ZNF727: variants seen among roughly 807,000 people sequenced by gnomAD.
ZNF727 encodes putative zinc finger protein 727.
ZNF727 carries 11 observed loss-of-function variants against 11.5 expected under a neutral mutation model. The ratio of observed to expected loss-of-function variants is 0.95; its 90% CI spans 0.60 to 1.58. The LOEUF (loss-of-function observed/expected upper bound fraction) is 1.58, where lower values mean the gene tolerates loss of function less well. Among genes scored for constraint, ZNF727 ranks in the 40% most tolerant of loss-of-function variants. The pLI is 0.00. For synonymous variants in ZNF727, 171 were observed against 196.1 expected (o/e 0.87, Z 1.07); for missense variants, 533 against 581.7 (o/e 0.92, Z 0.86).
At chr7:64,059,218 C>T (rs1157686357) in intron 1 of ZNF727, among the ~76,000 whole-genome samples, 1 of 152,118 alleles carries the variant, frequency 6.6e-6, no homozygotes, top group African/African-American at 2.4e-5. Context: ...GCTGGGATTA[C>T]AGGCATGAGC....
At position 64,077,216 on chromosome 7, in the gene ZNF727, A is replaced by T. The variant is rs1785679792; in HGVS notation, c.227-60A>T. The T allele has an allele frequency of 2.9e-6, 4 of 1,398,690 alleles. No individual in the cohort carries two copies. In the Admixed American group the frequency reaches 1.1e-4, roughly 40 times the overall value. The allele number at this position is 1,398,690 out of a possible 1,614,324, so 86.6% of individuals were successfully genotyped here. A position where few individuals can be genotyped will look rare whatever the true frequency, so the allele number is the denominator to read the frequency against. ...GTGCTTTGTATAATTATATATTTGT[A>T]AAGTGTATTCACCTAAGTCTGATGA... On this transcript the variant is annotated intron_variant, in intron 3 of 3. Transcript: ENST00000456806.
At chr7:64,077,027 T>G (rs1194835334) in intron 3 of ZNF727, among the ~76,000 whole-genome samples, 2 of 152,210 alleles carry the variant, frequency 1.3e-5, no homozygotes, top group African/African-American at 4.8e-5. Flanking sequence ...ATACTTTTAT[T>G]ACACTTCTAT....
At chr7:64,049,604 T>A (rs1182742261) in intron 1 of ZNF727, among the ~76,000 whole-genome samples, 1 of 151,846 alleles carries the variant, frequency 6.6e-6, no homozygotes, top group Non-Finnish European at 1.5e-5. Flanking sequence ...GAAATATATA[T>A]TTTATAATTT....
chr7:64,060,364 T>TA (rs1789750909), intron 1 of ZNF727, among the ~76,000 whole-genome samples: 1 of 152,222 alleles, frequency 6.6e-6, no homozygotes, highest in Admixed American at 6.5e-5. Flanking sequence ...AACACAGAGA[T>TA]ACGCACAAGG....
chr7:64,077,597 G>A lies in ZNF727; in HGVS notation c.548G>A (p.Arg183Lys). The part of the protein sequence containing the change: ...YKCEECGKDC[R>K]LSDFTIQKRI... ...TGTGAAGAATGTGGCAAAGACTGTA[G>A]GTTGTCAGATTTTACCATACAGAAG... Residue 183 changes from arginine to lysine, a missense_variant, in exon 4 of 4, where the codon AGG becomes AAG. By Grantham distance (26) the Arg-to-Lys change is conservative. This residue lies in a region of ZNF727 where 463 missense variants were observed against 494.5 expected (regional missense o/e 0.94). Transcript: ENST00000456806. The A allele has an allele frequency of 6.4e-7, 1 of 1,551,304 alleles. No homozygotes were observed.
At chr7:64,070,366 C>T (rs1305777934) in intron 3 of ZNF727, among the ~76,000 whole-genome samples, 1 of 151,898 alleles carries the variant, frequency 6.6e-6, no homozygotes, top group Non-Finnish European at 1.5e-5. Context: ...AACTCCCAAT[C>T]TTTATTTTAA....
At chr7:64,076,586 T>A (rs1284844226) in intron 3 of ZNF727, among the ~76,000 whole-genome samples, 4 of 152,040 alleles carry the variant, frequency 2.6e-5, no homozygotes, top group Non-Finnish European at 5.9e-5. Flanking sequence ...AGAGAGAGAA[T>A]TTGTCTCAAA....
At position 64,081,347 on chromosome 7, in the gene ZNF727, G is replaced by A. The variant is rs746932656; in HGVS notation, c.*2798G>A. ...AGTTTTACCACAAAGGCCAGGGTGG[G>A]GCTTTCTGGCTCTCTACCCGCCAAA... On this transcript the variant is annotated 3_prime_UTR_variant, in exon 4 of 4. Transcript: ENST00000456806. 1.2e-4 allele frequency among the ~76,000 whole-genome samples: 18 copies of A among 152,048 alleles called. No homozygotes were observed. Among genetic ancestry groups the A allele is most frequent in the Non-Finnish European group, 1.9e-4 (13 of 68,014 alleles).
At chr7:64,046,520 A>T (rs1268594246) in intron 1 of ZNF727, among the ~76,000 whole-genome samples, 4 of 152,086 alleles carry the variant, frequency 2.6e-5, no homozygotes, top group Non-Finnish European at 5.9e-5. Context: ...AGTTCCCTGA[A>T]GTTCTTATTT....
At position 64,084,751 on chromosome 7, in the gene ZNF727, A is replaced by G. The variant is rs1006754922; in HGVS notation, c.*6202A>G. ...CAGACCTTTAGTTTTGATTTACATC[A>G]ATTTAAATATACAAATGTATCACTG... On this transcript the variant is annotated 3_prime_UTR_variant, in exon 4 of 4. Transcript: ENST00000456806. Among the ~76,000 whole-genome samples the G allele has an allele frequency of 5.9e-5, 9 of 152,160 alleles. No homozygotes were observed. The highest frequency in any genetic ancestry group is 5.2e-4 in the Admixed American group (8 of 15,280).
chr7:64,074,901 A>C (rs1264838081), intron 3 of ZNF727, among the ~76,000 whole-genome samples: 6 of 152,052 alleles, frequency 3.9e-5, no homozygotes, highest in Non-Finnish European at 7.4e-5. Context: ...ATTATTTTTA[A>C]ATTTTATCTT....
intron 1 of ZNF727, among the ~76,000 whole-genome samples, chr7:64,058,800 G>A (rs1789725377): frequency 6.6e-6 from 1 of 152,154 alleles, no homozygotes; most frequent in Non-Finnish European, 1.5e-5. Flanking sequence ...TGTAACCTTT[G>A]TTTTTCTGTT....
rs896311800 is a variant in ZNF727 at position 64,078,963 on chromosome 7, G to C, written c.*414G>C. ...ATCTCGGCCCTTAGAAAACATAAGA[G>C]AATTCATACTGGAGAGACACCCTAC... On this transcript the variant is annotated 3_prime_UTR_variant, in exon 4 of 4. Coordinates refer to ENST00000456806, the MANE Select transcript of ZNF727 (RefSeq NM_001159522.3). Among the ~76,000 whole-genome samples, 1 of 142,016 alleles carries C rather than the reference G, an allele frequency of 7.0e-6. No homozygotes were observed. Among genetic ancestry groups the C allele is most frequent in the African/African-American group, 2.6e-5 (1 of 38,132 alleles). 93.2% of individuals were successfully genotyped at this position (142,016 alleles called of 152,430 possible). A position where few individuals can be genotyped will look rare whatever the true frequency, so the allele number is the denominator to read the frequency against.
chr7:64,049,743 A>G, intron 1 of ZNF727, among the ~76,000 whole-genome samples: 1 of 151,634 alleles, frequency 6.6e-6, no homozygotes, highest in South Asian at 2.1e-4. Flanking sequence ...AAAAATTAAT[A>G]TCTTAGCATT....
chr7:64,061,625 C>T lies in ZNF727; in HGVS notation c.4-7266C>T, dbSNP rs149899693. On this transcript the variant is annotated intron_variant, in intron 1 of 3. Coordinates refer to ENST00000456806, the MANE Select transcript of ZNF727 (RefSeq NM_001159522.3). ...TTGTTGGGTCTCGTTTTTATTTTTA[C>T]CCATTTGGCCAATCTGTGTCTTTTG... 3.5e-3 allele frequency among the ~76,000 whole-genome samples: 525 copies of T among 151,750 alleles called. 5 individuals are homozygous for T. The highest frequency in any genetic ancestry group is 0.012 in the African/African-American group (488 of 41,440).
intron 1 of ZNF727, among the ~76,000 whole-genome samples, chr7:64,054,543 G>C (rs1164949588): frequency 6.6e-6 from 1 of 152,162 alleles, no homozygotes; most frequent in Non-Finnish European, 1.5e-5. Flanking sequence ...GACAAATAAG[G>C]TCACAGGGAA....
At chr7:64,052,572 C>T (rs1433602109) in intron 1 of ZNF727, among the ~76,000 whole-genome samples, 1 of 152,048 alleles carries the variant, frequency 6.6e-6, no homozygotes, top group African/African-American at 2.4e-5. Flanking sequence ...AGAGCCCCCA[C>T]ACAAAGTCCC....
At chr7:64,070,276 T>A (rs930816247) in intron 3 of ZNF727, among the ~76,000 whole-genome samples, 2 of 152,078 alleles carry the variant, frequency 1.3e-5, no homozygotes, top group African/African-American at 4.8e-5. Context: ...AACTGTAATA[T>A]AGTTCAGTGT....
intron 1 of ZNF727, 122 bp from the exon 2 acceptor site, chr7:64,068,769 T>C (rs1789910419): frequency 1.8e-6 from 2 of 1,139,546 alleles, no homozygotes; most frequent in Non-Finnish European, 2.5e-6. Flanking sequence ...CTAGAAAGTA[T>C]CCTATTGGAT....
Sources: allele counts gnomAD v4.1 joint callset (sites outside exome capture counted in the v4.1 genomes callset), GRCh38; gene constraint gnomAD v4.1.1; regional missense constraint gnomAD v4.1.1; transcripts MANE v1.5; gene names NCBI Gene and HGNC (gene_info 2026-07-23, HGNC 2026-07-21).